The following GMDS variants were observed in gnomAD, a reference collection of about 807,000 sequenced individuals.
GMDS encodes GDP-mannose 4,6 dehydratase.
Under a neutral mutation model 49.9 loss-of-function variants are expected in GMDS, and 20 were observed. That is an observed-to-expected ratio of 0.40 (90% CI 0.28 to 0.58). The LOEUF (loss-of-function observed/expected upper bound fraction) is 0.58. GMDS is among the 20% of genes least tolerant of loss of function. The probability of loss-of-function intolerance (pLI) is 0.42; values close to 1 mark genes in which losing one functional copy is unlikely to be tolerated. For synonymous variants in GMDS, 177 were observed against 178.6 expected (o/e 0.99, Z 0.07); for missense variants, 362 against 481.4 (o/e 0.75, Z 2.32).
At chr6:2,195,946 CA>C (rs1779258718) in intron 1 of GMDS, among the ~76,000 whole-genome samples, 1 of 151,634 alleles carries the variant, frequency 6.6e-6, no homozygotes, top group South Asian at 2.1e-4. Context: ...GAGTATATGC[CA>C]AAATAAATAT....
At chr6:2,072,841 A>T (rs1772095177) in intron 4 of GMDS, among the ~76,000 whole-genome samples, 5 of 152,196 alleles carry the variant, frequency 3.3e-5, no homozygotes, top group Admixed American at 3.3e-4. Context: ...TCCAAATGCC[A>T]TTTCAATACT....
At chr6:1,928,742 G>A (rs2127236603) in intron 7 of GMDS, among the ~76,000 whole-genome samples, 1 of 152,288 alleles carries the variant, frequency 6.6e-6, no homozygotes, top group South Asian at 2.1e-4. Context: ...GCTAAGGCGG[G>A]TGGATCACCT....
At chr6:2,067,480 C>T (rs1385174158) in intron 4 of GMDS, among the ~76,000 whole-genome samples, 1 of 151,570 alleles carries the variant, frequency 6.6e-6, no homozygotes, top group East Asian at 1.9e-4. Context: ...CCAGGAGCTG[C>T]TTTTTTGAAA....
intron 7 of GMDS, among the ~76,000 whole-genome samples, chr6:1,816,464 A>T (rs760250444): frequency 5.9e-5 from 9 of 152,188 alleles, no homozygotes; most frequent in Non-Finnish European, 1.0e-4. Context: ...GGACCCAACA[A>T]AATACCACCA....
chr6:2,087,104 G>A (rs533505273), intron 4 of GMDS, among the ~76,000 whole-genome samples: 1 of 152,200 alleles, frequency 6.6e-6, no homozygotes, highest in East Asian at 1.9e-4. Flanking sequence ...CCCACCACAG[G>A]CACATGTTTG....
chr6:1,809,019 T>C (rs765432309), intron 7 of GMDS, among the ~76,000 whole-genome samples: 3 of 152,252 alleles, frequency 2.0e-5, no homozygotes, highest in East Asian at 1.9e-4. Context: ...TAGGTCCTTA[T>C]CTTTTTCTTT....
intron 7 of GMDS, among the ~76,000 whole-genome samples, chr6:1,799,190 G>A (rs149694816): frequency 4.1e-3 from 617 of 152,292 alleles, no homozygotes; most frequent in African/African-American, 0.014. Context: ...GGAGGGTGCG[G>A]GTGGTGAGGG....
chr6:1,735,797 A>C (rs1269008354), intron 8 of GMDS, among the ~76,000 whole-genome samples: 1 of 152,226 alleles, frequency 6.6e-6, no homozygotes, highest in Non-Finnish European at 1.5e-5. Context: ...TATCAATATA[A>C]TAAATTTGCA....
intron 7 of GMDS, among the ~76,000 whole-genome samples, chr6:1,922,534 A>G (rs1761767431): frequency 6.6e-6 from 1 of 152,076 alleles, no homozygotes; most frequent in African/African-American, 2.4e-5. Flanking sequence ...CTGTTTGCCC[A>G]CTCTCTCCTG....
chr6:2,031,309 T>G (rs1768948187), intron 4 of GMDS, among the ~76,000 whole-genome samples: 2 of 152,152 alleles, frequency 1.3e-5, no homozygotes, highest in Non-Finnish European at 2.9e-5. Context: ...AGCTGGAAAT[T>G]CACTCATTCA....
intron 4 of GMDS, among the ~76,000 whole-genome samples, chr6:1,986,890 G>A (rs1264345050): frequency 6.6e-6 from 1 of 152,166 alleles, no homozygotes; most frequent in Non-Finnish European, 1.5e-5. Context: ...AGGGAAGGGA[G>A]GTAAGAAGGA....
intron 1 of GMDS, among the ~76,000 whole-genome samples, chr6:2,185,305 G>A (rs1778729773): frequency 6.6e-6 from 1 of 152,174 alleles, no homozygotes; most frequent in African/African-American, 2.4e-5. Flanking sequence ...ACCGCCAGCT[G>A]CAGCATATTG....
intron 1 of GMDS, among the ~76,000 whole-genome samples, chr6:2,201,919 AAG>A (rs1295321562): frequency 7.4e-6 from 1 of 135,326 alleles, no homozygotes; most frequent in Admixed American, 7.5e-5. Flanking sequence ...GTGAAGGATG[AAG>A]AGAGAGCACC....
rs151191307 is a variant in GMDS, at chr6:1,988,295, A to T, written c.346-27329T>A. Among the ~76,000 whole-genome samples, 1,341 of 152,244 alleles carry T rather than the reference A, an allele frequency of 8.8e-3. 13 individuals are homozygous for T. The highest frequency in any genetic ancestry group is 0.065 in the Middle Eastern group (19 of 294). Reference sequence around the variant, plus strand: ...TTCTCTTAGATACAATATAGTAAATAGTGGCTTAACTTCATATAAGCCTAC... The same window carrying T: ...TTCTCTTAGATACAATATAGTAAATTGTGGCTTAACTTCATATAAGCCTAC... On this transcript the variant is annotated intron_variant, in intron 4 of 10. Transcript: ENST00000380815.
chr6:1,698,787 C>CTTTTTT (rs10641587), intron 9 of GMDS, among the ~76,000 whole-genome samples: 2 of 133,076 alleles, frequency 1.5e-5, no homozygotes, highest in African/African-American at 2.8e-5. Context: ...CCTGGTTTCC[C>CTTTTTT]TTTTTTTTTT....
intron 4 of GMDS, among the ~76,000 whole-genome samples, chr6:2,094,613 G>A (rs897600874): frequency 1.3e-5 from 2 of 152,200 alleles, no homozygotes; most frequent in Non-Finnish European, 2.9e-5. Context: ...CATTTTAAAG[G>A]AGAACTTACC....
intron 1 of GMDS, among the ~76,000 whole-genome samples, chr6:2,166,587 T>C (rs1777681845): frequency 6.6e-6 from 1 of 152,168 alleles, no homozygotes; most frequent in South Asian, 2.1e-4. Flanking sequence ...CACCCACAAA[T>C]AGCTGCTCTT....
At chr6:2,120,437 A>G (rs1775078750) in intron 2 of GMDS, among the ~76,000 whole-genome samples, 1 of 152,196 alleles carries the variant, frequency 6.6e-6, no homozygotes. Flanking sequence ...AAGTATCTCC[A>G]TGTTCTAACA....
chr6:2,074,623 A>G (rs1772215218), intron 4 of GMDS, among the ~76,000 whole-genome samples: 2 of 152,142 alleles, frequency 1.3e-5, no homozygotes, highest in Non-Finnish European at 2.9e-5. Flanking sequence ...GTTTTATTCT[A>G]GTAGTTTTAC....
Sources: allele counts gnomAD v4.1 joint callset (sites outside exome capture counted in the v4.1 genomes callset), GRCh38; gene constraint gnomAD v4.1.1; transcripts MANE v1.5; gene names NCBI Gene and HGNC (gene_info 2026-07-23, HGNC 2026-07-21).